Variants in WNK2 observed in about 807,000 individuals in gnomAD.
The protein encoded by WNK2 is WNK lysine deficient protein kinase 2.
Under a neutral mutation model 192.1 loss-of-function variants are expected in WNK2, and 67 were observed. The ratio of observed to expected loss-of-function variants is 0.35; its 90% CI spans 0.29 to 0.43. The LOEUF is 0.43. WNK2 is among the 20% of genes least tolerant of loss of function. WNK2 has a pLI of 1.00. For synonymous variants in WNK2, 1,439 were observed against 1,393.9 expected (o/e 1.03, Z -0.72); for missense variants, 2,698 against 3,089.7 (o/e 0.87, Z 3.01).
chr9:93,234,021 C>G (rs951854562), intron 4 of WNK2, among the ~76,000 whole-genome samples: 1 of 152,172 alleles, frequency 6.6e-6, no homozygotes, highest in Non-Finnish European at 1.5e-5. Flanking sequence ...AAATAAAAAT[C>G]AGCCCTCGCC....
chr9:93,244,638 G>T (rs1588143940), intron 7 of WNK2, among the ~76,000 whole-genome samples: 2 of 152,132 alleles, frequency 1.3e-5, no homozygotes, highest in South Asian at 2.1e-4. Context: ...GCAAGGGTGG[G>T]GCCACGCCCT....
At chr9:93,204,739 G>C (rs1479281827) in intron 2 of WNK2, among the ~76,000 whole-genome samples, 1 of 152,018 alleles carries the variant, frequency 6.6e-6, no homozygotes, top group African/African-American at 2.4e-5. Flanking sequence ...ATAGCAGATT[G>C]TCAGCACTGT....
At chr9:93,274,233 G>A (rs4744210) in intron 19 of WNK2, among the ~76,000 whole-genome samples, 133,495 of 152,204 alleles carry the variant, frequency 0.88, 59,709 homozygotes, top group East Asian at 1. Flanking sequence ...ACTAAAGAAA[G>A]CACATAAGGC....
At chr9:93,211,334 TGG>T (rs1834650556) in intron 2 of WNK2, among the ~76,000 whole-genome samples, 1 of 148,810 alleles carries the variant, frequency 6.7e-6, no homozygotes, top group African/African-American at 2.5e-5. Flanking sequence ...AGTCACTCTT[TGG>T]TCTACTCATT....
At chr9:93,317,436 A>C (rs893706054) in intron 28 of WNK2, 84 bp from the exon 29 acceptor site, 4 of 1,368,460 alleles carry the variant, frequency 2.9e-6, no homozygotes, top group Non-Finnish European at 3.1e-6. Context: ...GGATGGAGAA[A>C]CTGTGGCACC....
At position 93,193,506 on chromosome 9, in the gene WNK2, C is replaced by T. The variant is rs370881246; in HGVS notation, c.681+7896C>T. On this transcript the variant is annotated intron_variant, in intron 2 of 29. Transcript: ENST00000427277. ...TGGTTCCCGAGGCTGCCTGTCTCCCCGCCCGGGAGCTGTGGGCACCTGTGC... is the reference window on the plus strand; with the variant it reads ...TGGTTCCCGAGGCTGCCTGTCTCCCTGCCCGGGAGCTGTGGGCACCTGTGC... Among the ~76,000 whole-genome samples the T allele has an allele frequency of 7.2e-4, 109 of 152,338 alleles. 1 individual carries two copies. In the South Asian group the frequency reaches 0.02, roughly 28 times the overall value.
At chr9:93,254,646 A>C (rs1044013533) in intron 9 of WNK2, among the ~76,000 whole-genome samples, 1 of 152,200 alleles carries the variant, frequency 6.6e-6, no homozygotes, top group African/African-American at 2.4e-5. Context: ...AGTGAAATAC[A>C]ATTTTAAACA....
At chr9:93,313,382 T>C (rs1453066201) in intron 28 of WNK2, among the ~76,000 whole-genome samples, 1 of 151,310 alleles carries the variant, frequency 6.6e-6, no homozygotes, top group African/African-American at 2.4e-5. Context: ...TTTTTAACCG[T>C]ATCTCCTGTA....
rs151176657 is a variant in WNK2 at position 93,262,036 on chromosome 9, C to T, written c.3289C>T (p.Pro1097Ser). The change falls in exon 13 of 30, where the codon CCG becomes TCG. Residue 1097 changes from proline to serine, a missense_variant. By Grantham distance (74) the Pro-to-Ser change is moderately conservative. This residue lies in a region of WNK2 where 893 missense variants were observed against 909.0 expected (regional missense o/e 0.98). Transcript: ENST00000427277. ...CACACTTCTGCCACCAGCAAACCCACCGCTGCCTGGCGGGCCCGGGATCGC... is the reference window on the plus strand; with the variant it reads ...CACACTTCTGCCACCAGCAAACCCATCGCTGCCTGGCGGGCCCGGGATCGC... ...TATLLPPANP[P>S]LPGGPGIASP... 65 of 1,610,784 alleles carry T rather than the reference C, an allele frequency of 4.0e-5. No individual in the cohort carries two copies. The African/African-American group carries it at 8.3e-4, about 20-fold the overall frequency.
chr9:93,256,269 T>A, intron 9 of WNK2, 30 bp from the exon 10 acceptor site: 1 of 1,481,060 alleles, frequency 6.8e-7, no homozygotes, highest in Non-Finnish European at 9.0e-7. Context: ...CGAGAGCTGC[T>A]GCTGAGTGTG....
chr9:93,210,919 C>T (rs1447458301), intron 2 of WNK2, among the ~76,000 whole-genome samples: 4 of 152,162 alleles, frequency 2.6e-5, no homozygotes, highest in Non-Finnish European at 2.9e-5. Context: ...CAGGAGAACA[C>T]GTCCCAGAGG....
At chr9:93,305,042 C>T (rs1020451308) in intron 26 of WNK2, among the ~76,000 whole-genome samples, 2 of 152,334 alleles carry the variant, frequency 1.3e-5, no homozygotes, top group South Asian at 2.1e-4. Context: ...CAGCTCTGAT[C>T]GCAGGTCCAG....
At chr9:93,263,778 ATGGTGGGGGTGTGGTGGGGGTGGGGCCG>A (rs1564122499) in intron 15 of WNK2, 44 bp downstream of exon 15, 1 of 236,232 alleles carries the variant, frequency 4.2e-6, no homozygotes, top group South Asian at 2.8e-5. Context: ...GGGTGGGGGC[ATGGTGGGGGTGTGGTGGGGGTGGGGCCG>A]TGGCGGGGGT....
At chr9:93,288,727 A>G (rs1848838966) in intron 19 of WNK2, 61 bp from the exon 20 acceptor site, 3 of 1,474,270 alleles carry the variant, frequency 2.0e-6, no homozygotes, top group Non-Finnish European at 2.7e-6. Context: ...TAGCCAAGGA[A>G]GAAACAGGTA....
intron 19 of WNK2, among the ~76,000 whole-genome samples, chr9:93,284,282 C>T (rs971613026): frequency 3.3e-5 from 5 of 152,196 alleles, no homozygotes; most frequent in Non-Finnish European, 5.9e-5. Context: ...CTCTTCCTCT[C>T]CCATCAACAC....
intron 18 of WNK2, 25 bp from the exon 19 acceptor site, chr9:93,268,602 G>C (rs754273831): frequency 8.1e-6 from 13 of 1,599,476 alleles, no homozygotes; most frequent in South Asian, 1.1e-5. Context: ...CTCACTCAGC[G>C]TGCTGTTTCT....
Position 93,308,443 on chromosome 9 carries a change from G to A in WNK2, c.6375G>A (p.Leu2125=). 6.2e-7 allele frequency: 1 copy of A among 1,609,922 alleles called. No homozygotes were observed. The highest frequency in any genetic ancestry group is 8.5e-7 in the Non-Finnish European group (1 of 1,178,540). The change falls in exon 28 of 30, where the codon CTG becomes CTA. Residue 2125 remains leucine, a synonymous_variant. Coordinates refer to ENST00000427277, the MANE Select transcript of WNK2 (RefSeq NM_006648.4). ...NNKKGTFTDD[L]HKLVDEWTSK... Reference sequence around the variant, plus strand: ...AGAAGGGTACCTTCACGGACGACCTGCACAAGCTGGTGGACGAGTGGACGA... The same window carrying A: ...AGAAGGGTACCTTCACGGACGACCTACACAAGCTGGTGGACGAGTGGACGA...
intron 26 of WNK2, 149 bp from the exon 27 acceptor site, chr9:93,306,628 C>T: frequency 9.9e-7 from 1 of 1,005,268 alleles, no homozygotes; most frequent in South Asian, 1.4e-5. Flanking sequence ...GCCCCGTTTC[C>T]CCCGGCCGGG....
chr9:93,247,874 C>T lies in WNK2; in HGVS notation c.1834+40C>T, dbSNP rs923681822. On this transcript the variant is annotated intron_variant, in intron 8 of 29. Transcript: ENST00000427277. This position sits in a 1 kb window ranked among gnomAD's most constrained non-coding sequence, Gnocchi z 5.2. ...GTGGGATGGCCATGGGCACCCCTCC[C>T]ACCTACCCTGCAAAAACCAGCTATT... 1.3e-6 allele frequency: 2 copies of T among 1,516,952 alleles called. No individual in the cohort carries two copies. The highest frequency in any genetic ancestry group is 2.8e-5 in the African/African-American group (2 of 72,366). The allele number at this position is 1,516,952 out of a possible 1,614,324, so 94.0% of individuals were successfully genotyped here.
Sources: allele counts gnomAD v4.1 joint callset (sites outside exome capture counted in the v4.1 genomes callset), GRCh38; gene constraint gnomAD v4.1.1; regional missense constraint gnomAD v4.1.1; non-coding constraint Gnocchi (gnomAD v3.1); transcripts MANE v1.5; gene names NCBI Gene and HGNC (gene_info 2026-07-23, HGNC 2026-07-21).